The following CSTF3 variants were observed in gnomAD, a reference collection of about 807,000 sequenced individuals.
CSTF3 encodes CF-1 77 kDa subunit.
In CSTF3, 29 loss-of-function variants were observed where a neutral mutation model predicts 105.8. That is an observed-to-expected ratio of 0.27 (90% CI 0.20 to 0.37). The LOEUF is 0.37. Ranked by LOEUF, CSTF3 falls within the 10% of genes least tolerant of loss-of-function variation. The pLI, the probability that CSTF3 is intolerant of heterozygous loss-of-function variation, is 1.00. For missense variants in CSTF3, 357 were observed against 879.3 expected (o/e 0.41, Z 7.51); for synonymous variants, 252 against 281.9 (o/e 0.89, Z 1.06).
At chr11:33,149,215 G>A (rs776548892) in intron 1 of CSTF3, among the ~76,000 whole-genome samples, 10 of 152,146 alleles carry the variant, frequency 6.6e-5, no homozygotes, top group Non-Finnish European at 1.0e-4. Context: ...AGATACCTGG[G>A]GAATTAGCAG....
chr11:33,137,811 C>A (rs530315273), intron 3 of CSTF3, among the ~76,000 whole-genome samples: 2 of 151,412 alleles, frequency 1.3e-5, no homozygotes, highest in Non-Finnish European at 3.0e-5. Context: ...ATAGAAATCA[C>A]CATAATCTAT....
chr11:33,129,278 G>A (rs1368152053), intron 3 of CSTF3, among the ~76,000 whole-genome samples: 16 of 152,088 alleles, frequency 1.1e-4, no homozygotes. Context: ...TTTTAGTAGA[G>A]ACAGGGTGTC....
chr11:33,149,892 G>A (rs1460870653), intron 1 of CSTF3, among the ~76,000 whole-genome samples: 1 of 152,120 alleles, frequency 6.6e-6, no homozygotes, highest in African/African-American at 2.4e-5. Context: ...GGTGGTACAC[G>A]CCTGTAATCC....
At chr11:33,136,321 A>G (rs1221013601) in intron 3 of CSTF3, 4 of 152,034 alleles carry the variant, frequency 2.6e-5, no homozygotes, top group African/African-American at 9.6e-5. Flanking sequence ...AACCGGTTTA[A>G]TAATAAAATT....
At chr11:33,088,159 A>AT (rs1168689792) in intron 17 of CSTF3, among the ~76,000 whole-genome samples, 2 of 152,202 alleles carry the variant, frequency 1.3e-5, no homozygotes, top group African/African-American at 4.8e-5. Flanking sequence ...AGATACATAC[A>AT]TACCATACCA....
At chr11:33,133,578 G>A (rs989806637) in intron 3 of CSTF3, among the ~76,000 whole-genome samples, 4 of 152,194 alleles carry the variant, frequency 2.6e-5, no homozygotes, top group East Asian at 1.9e-4. Flanking sequence ...AATTAAGGCC[G>A]AGGGCTGGGT....
intron 3 of CSTF3, among the ~76,000 whole-genome samples, chr11:33,117,403 A>G (rs1855440960): frequency 6.6e-6 from 1 of 152,046 alleles, no homozygotes; most frequent in South Asian, 2.1e-4. Context: ...TACACACTTA[A>G]AAGTTGAAGC....
chr11:33,141,537 A>C (rs922404204), intron 3 of CSTF3, 130 bp downstream of exon 3: 5 of 1,388,046 alleles, frequency 3.6e-6, no homozygotes, highest in Non-Finnish European at 1.9e-6. Context: ...CTTTATACCT[A>C]TTTTACAAAA....
At chr11:33,136,414 T>C (rs754672362) in intron 3 of CSTF3, among the ~76,000 whole-genome samples, 2 of 152,044 alleles carry the variant, frequency 1.3e-5, no homozygotes, top group Non-Finnish European at 1.5e-5. Context: ...TCCACATTTA[T>C]TTAGAGGTGC....
chr11:33,105,374 T>C (rs146257083), intron 8 of CSTF3, among the ~76,000 whole-genome samples, 193 bp downstream of exon 8: 4 of 152,354 alleles, frequency 2.6e-5, no homozygotes, highest in Non-Finnish European at 4.4e-5. Context: ...AGAACTATTG[T>C]TCTTCAGAGT....
chr11:33,144,205 A>G (rs988235240), intron 1 of CSTF3, among the ~76,000 whole-genome samples: 10 of 152,166 alleles, frequency 6.6e-5, no homozygotes, highest in Non-Finnish European at 1.3e-4. Flanking sequence ...TAAAAAAAGT[A>G]TCTGTTCAGA....
At chr11:33,125,999 CCAT>C in intron 3 of CSTF3, among the ~76,000 whole-genome samples, 1 of 152,106 alleles carries the variant, frequency 6.6e-6, no homozygotes, top group East Asian at 1.9e-4. Context: ...ACCTAACTCA[CCAT>C]ATTACCTGCT....
intron 1 of CSTF3, among the ~76,000 whole-genome samples, chr11:33,145,694 G>A (rs964637563): frequency 4.6e-5 from 7 of 151,962 alleles, no homozygotes; most frequent in Non-Finnish European, 1.0e-4. Context: ...GGCACCTGTA[G>A]TCCCAGCTAC....
At chr11:33,090,100 T>G (rs552077536) in intron 17 of CSTF3, among the ~76,000 whole-genome samples, 1 of 152,360 alleles carries the variant, frequency 6.6e-6, no homozygotes, top group South Asian at 2.1e-4. Flanking sequence ...GCTGTAATAT[T>G]TCTTCATTAT....
At chr11:33,096,692 T>C in intron 14 of CSTF3, 143 bp downstream of exon 14, 1 of 758,084 alleles carries the variant, frequency 1.3e-6, no homozygotes, top group Non-Finnish European at 2.1e-6. Flanking sequence ...TGATGCTCCA[T>C]AAAATTTTAC....
chr11:33,131,305 G>A (rs372384748), intron 3 of CSTF3, among the ~76,000 whole-genome samples: 2 of 152,190 alleles, frequency 1.3e-5, no homozygotes. Flanking sequence ...TTATGTGGTT[G>A]TGAGTAGCTA....
At chr11:33,146,996 T>A (rs982451779) in intron 1 of CSTF3, among the ~76,000 whole-genome samples, 2 of 151,822 alleles carry the variant, frequency 1.3e-5, no homozygotes, top group East Asian at 3.9e-4. Context: ...GAGACACTGG[T>A]CTCTACAAAA....
chr11:33,098,075 C>T (rs1031527062), intron 13 of CSTF3, among the ~76,000 whole-genome samples: 1 of 152,020 alleles, frequency 6.6e-6, no homozygotes, highest in African/African-American at 2.4e-5. Context: ...GCAGTGGAAT[C>T]CCAATATAAA....
chr11:33,101,240 A>G (rs889584784), intron 10 of CSTF3, among the ~76,000 whole-genome samples: 1 of 152,210 alleles, frequency 6.6e-6, no homozygotes, highest in African/African-American at 2.4e-5. Flanking sequence ...GACATCCCCA[A>G]AAGGAGAAAG....
Sources: allele counts gnomAD v4.1 joint callset (sites outside exome capture counted in the v4.1 genomes callset), GRCh38; gene constraint gnomAD v4.1.1; transcripts MANE v1.5; gene names NCBI Gene and HGNC (gene_info 2026-07-23, HGNC 2026-07-21).